The following TBC1D4 variants were observed in gnomAD, a reference collection of about 807,000 sequenced individuals.
The protein encoded by TBC1D4 is TBC (Tre-2, BUB2, CDC16) domain-containing protein.
TBC1D4 carries 121 observed loss-of-function variants against 142.5 expected under a neutral mutation model. That is an observed-to-expected ratio of 0.85 (90% CI 0.73 to 0.99). The LOEUF (loss-of-function observed/expected upper bound fraction) is 0.99, where lower values mean the gene tolerates loss of function less well. Ranked by LOEUF, TBC1D4 falls within the 50% of genes least tolerant of loss-of-function variation. The pLI, the probability that TBC1D4 is intolerant of heterozygous loss-of-function variation, is 0.00. For synonymous variants in TBC1D4, 630 were observed against 628.2 expected, an observed-to-expected ratio of 1.00 and a Z score of -0.04; for missense variants, 1,475 against 1,606.6, an observed-to-expected ratio of 0.92 and a Z score of 1.40.
intron 1 of TBC1D4, among the ~76,000 whole-genome samples, chr13:75,376,557 T>C (rs2138234205): frequency 6.6e-6 from 1 of 152,254 alleles, no homozygotes; most frequent in South Asian, 2.1e-4. Context: ...TTTGTATTTT[T>C]AGTAGAGACG....
chr13:75,372,219 T>C (rs921601936), intron 1 of TBC1D4, among the ~76,000 whole-genome samples: 1 of 152,206 alleles, frequency 6.6e-6, no homozygotes, highest in Non-Finnish European at 1.5e-5. Context: ...CTACTATCTA[T>C]TTATTCAACC....
intron 15 of TBC1D4, 22 bp from the exon 16 acceptor site, chr13:75,302,423 A>T (rs1196126605): frequency 1.9e-6 from 3 of 1,613,988 alleles, no homozygotes; most frequent in Non-Finnish European, 1.7e-6. Context: ...GAGATAAATA[A>T]CCAAGGCCTT....
chr13:75,462,912 C>CT (rs760280778), intron 1 of TBC1D4, among the ~76,000 whole-genome samples: 8 of 152,060 alleles, frequency 5.3e-5, no homozygotes, highest in Non-Finnish European at 1.0e-4. Context: ...CAGATTTCAT[C>CT]TATTGGTATT....
intron 1 of TBC1D4, among the ~76,000 whole-genome samples, chr13:75,380,172 C>G (rs905441647): frequency 6.6e-6 from 1 of 151,502 alleles, no homozygotes; most frequent in Non-Finnish European, 1.5e-5. Flanking sequence ...AGCCACCGCG[C>G]CTAGCCTCAT....
At chr13:75,440,672 G>GC (rs1191816424) in intron 1 of TBC1D4, among the ~76,000 whole-genome samples, 1 of 151,618 alleles carries the variant, frequency 6.6e-6, no homozygotes, top group Non-Finnish European at 1.5e-5. Flanking sequence ...CCCCAGCTTA[G>GC]CCCCCTGAGT....
chr13:75,286,902 C>T lies in TBC1D4; in HGVS notation c.3787G>A (p.Glu1263Lys), dbSNP rs1392620144. The T allele has an allele frequency of 6.2e-7, 1 of 1,613,930 alleles. No individual in the cohort carries two copies. The highest frequency in any genetic ancestry group is 1.7e-5 in the Admixed American group (1 of 59,942). ...QEKMAYQKTVEQLRKLLPADA... is the reference protein window; with the variant it reads ...QEKMAYQKTVKQLRKLLPADA... The stretch of plus-strand genomic sequence containing the variant: ...GCGGGCAGCAGCTTCCGGAGTTGCT[C>T]CACTGTCTTTTGATAAGCCATTTTT... Residue 1263 changes from glutamate to lysine, a missense_variant, in exon 21 of 21, where the codon GAG becomes AAG. By Grantham distance (56) the Glu-to-Lys change is moderately conservative (BLOSUM62 1). Around this residue, in one of 2 missense-constraint regions of TBC1D4, gnomAD observed 248 missense variants for 338.9 expected, o/e 0.73. Coordinates refer to ENST00000377636, the MANE Select transcript of TBC1D4 (RefSeq NM_014832.5).
intron 1 of TBC1D4, among the ~76,000 whole-genome samples, chr13:75,470,837 A>C (rs1270387759): frequency 1.3e-5 from 2 of 152,088 alleles, no homozygotes; most frequent in Non-Finnish European, 2.9e-5. Flanking sequence ...AAATACATAA[A>C]CTAGCCAGGT....
chr13:75,306,215 T>C, intron 15 of TBC1D4, 98 bp downstream of exon 15: 1 of 1,163,674 alleles, frequency 8.6e-7, no homozygotes, highest in South Asian at 1.5e-5. Flanking sequence ...AAGGACAAAA[T>C]TACTAAGCAA....
chr13:75,376,832 A>C (rs1821127), intron 1 of TBC1D4, among the ~76,000 whole-genome samples: 17,469 of 152,244 alleles, frequency 0.11, 1,095 homozygotes, highest in African/African-American at 0.17. Context: ...TAATTAATCA[A>C]TAACTATAAT....
At chr13:75,425,131 G>A (rs1886327434) in intron 1 of TBC1D4, among the ~76,000 whole-genome samples, 1 of 151,188 alleles carries the variant, frequency 6.6e-6, no homozygotes, top group Non-Finnish European at 1.5e-5. Context: ...AAATATATAA[G>A]GAACAATTCA....
chr13:75,426,887 A>C (rs1304274947), intron 1 of TBC1D4, among the ~76,000 whole-genome samples: 1 of 39,842 alleles, frequency 2.5e-5, no homozygotes, highest in East Asian at 1.9e-3. Context: ...AAAAAATACA[A>C]AAAAAAAAAA....
chr13:75,390,274 C>T (rs1343171141), intron 1 of TBC1D4, among the ~76,000 whole-genome samples: 3 of 28,922 alleles, frequency 1.0e-4, no homozygotes, highest in Admixed American at 5.2e-4. Flanking sequence ...AGAGAGACTC[C>T]GTCAAAAAAA....
At chr13:75,385,806 T>C (rs1036301157) in intron 1 of TBC1D4, among the ~76,000 whole-genome samples, 2 of 152,196 alleles carry the variant, frequency 1.3e-5, no homozygotes, top group African/African-American at 4.8e-5. Context: ...TGTCCTATAT[T>C]CTGCTAATTT....
chr13:75,447,660 CAGG>C (rs1343615685), intron 1 of TBC1D4, among the ~76,000 whole-genome samples: 7 of 152,192 alleles, frequency 4.6e-5, no homozygotes, highest in Admixed American at 1.3e-4. Flanking sequence ...GGCGTCACAG[CAGG>C]AGGTGAGCGG....
chr13:75,386,690 T>C (rs1431430356), intron 1 of TBC1D4, among the ~76,000 whole-genome samples: 1 of 152,154 alleles, frequency 6.6e-6, no homozygotes, highest in Non-Finnish European at 1.5e-5. Flanking sequence ...TCATGATACA[T>C]GCTCATTGGG....
intron 1 of TBC1D4, among the ~76,000 whole-genome samples, chr13:75,480,176 A>T (rs1888778916): frequency 6.6e-6 from 1 of 152,256 alleles, no homozygotes; most frequent in Non-Finnish European, 1.5e-5. Flanking sequence ...AAATAAAAAA[A>T]ATTAAAGCCA....
At chr13:75,377,171 CGCA>C (rs1160856077) in intron 1 of TBC1D4, 2 of 152,158 alleles carry the variant, frequency 1.3e-5, no homozygotes, top group African/African-American at 4.8e-5. Context: ...AAACTGTTGG[CGCA>C]GCACAGTGGA....
At chr13:75,446,019 C>T (rs556819449) in intron 1 of TBC1D4, among the ~76,000 whole-genome samples, 5 of 152,220 alleles carry the variant, frequency 3.3e-5, no homozygotes, top group East Asian at 3.9e-4. Context: ...GTTTGGAAAC[C>T]GCTGGCCTAA....
rs753768245 is a variant in TBC1D4 at position 75,356,164 on chromosome 13, A to T, written c.1258T>A (p.Cys420Ser). ...LSQYICYVFQ[C>S]ASESLVDEVM... ...CTACTTACCAGAGATTCGCTGGCAC[A>T]CTGGAATACATAACAAATATACTGG... The change falls in exon 4 of 21, where the codon TGT (cysteine) becomes AGT (serine). Residue 420 changes from cysteine (C) to serine (S), a missense_variant. Coordinates refer to ENST00000377636, the MANE Select transcript of TBC1D4 (RefSeq NM_014832.5). 3.7e-6 allele frequency: 6 copies of T among 1,613,524 alleles called. No homozygotes were observed. The Admixed American group carries it at 1.0e-4, about 27-fold the overall frequency.
Sources: allele counts gnomAD v4.1 joint callset (sites outside exome capture counted in the v4.1 genomes callset), GRCh38; gene constraint gnomAD v4.1.1; regional missense constraint gnomAD v4.1.1; transcripts MANE v1.5; gene names NCBI Gene and HGNC (gene_info 2026-07-23, HGNC 2026-07-21).